The following PIP4K2B variants were observed in gnomAD, a reference collection of about 807,000 sequenced individuals.
The protein encoded by PIP4K2B is phosphatidylinositol-5-phosphate 4-kinase type 2 beta.
A neutral mutation model predicts 42.0 loss-of-function variants in PIP4K2B; 3 were observed. The ratio of observed to expected loss-of-function variants is 0.07; its 90% CI spans 0.03 to 0.18. The LOEUF is 0.18. Among genes scored for constraint, PIP4K2B ranks in the 10% least tolerant of loss-of-function variants. The pLI is 1.00. For missense variants in PIP4K2B, 332 were observed against 562.3 expected (o/e 0.59, Z 4.14); for synonymous variants, 204 against 210.1 (o/e 0.97, Z 0.25).
At chr17:38,781,238 T>C (rs976330132) in intron 3 of PIP4K2B, among the ~76,000 whole-genome samples, 3 of 152,042 alleles carry the variant, frequency 2.0e-5, no homozygotes, top group Non-Finnish European at 4.4e-5. Context: ...TATGCAAGGC[T>C]GGGAGGCAGT....
intron 1 of PIP4K2B, among the ~76,000 whole-genome samples, chr17:38,790,875 C>CTAT (rs560122899): frequency 6.6e-6 from 1 of 152,034 alleles, no homozygotes; most frequent in African/African-American, 2.4e-5. Flanking sequence ...GGGATTAGCC[C>CTAT]TATTATTATT....
At chr17:38,786,788 C>T in intron 2 of PIP4K2B, 35 bp downstream of exon 2, 2 of 1,357,458 alleles carry the variant, frequency 1.5e-6, no homozygotes, top group Non-Finnish European at 2.1e-6. Context: ...AAAGGACTGC[C>T]CACAAAACCT....
In PIP4K2B at chr17:38,778,082, A is replaced by G. The variant is rs570872658; in HGVS notation, c.693+252T>C. On this transcript the variant is annotated intron_variant, in intron 6 of 9. Coordinates refer to ENST00000619039, the MANE Select transcript of PIP4K2B (RefSeq NM_003559.5). ...GCCACTGACTGACTCAGGCTGGACT[A>G]TGAGATAGAAATGTCTGCCATCCCA... is the stretch of plus-strand genomic sequence containing the variant. Among the ~76,000 whole-genome samples, 117 of 152,314 alleles carry G rather than the reference A, an allele frequency of 7.7e-4. 2 individuals carry two copies. In the Middle Eastern group the frequency reaches 0.014, roughly 18 times the overall value.
At chr17:38,794,860 G>T (rs1024131633) in intron 1 of PIP4K2B, among the ~76,000 whole-genome samples, 1 of 151,800 alleles carries the variant, frequency 6.6e-6, no homozygotes, top group Non-Finnish European at 1.5e-5. Flanking sequence ...ACCACTTTGG[G>T]AGGCCGAGGC....
intron 1 of PIP4K2B, among the ~76,000 whole-genome samples, chr17:38,791,274 T>G (rs1401825652): frequency 1.3e-5 from 2 of 152,102 alleles, no homozygotes; most frequent in Non-Finnish European, 2.9e-5. Context: ...CACTTGACAT[T>G]AGGAGAATCT....
chr17:38,777,504 C>T (rs1300215972), intron 7 of PIP4K2B, among the ~76,000 whole-genome samples, 183 bp downstream of exon 7: 1 of 152,208 alleles, frequency 6.6e-6, no homozygotes, highest in African/African-American at 2.4e-5. Context: ...CAACTATGCT[C>T]CGTCAGGTGG....
At chr17:38,794,353 TA>T in intron 1 of PIP4K2B, among the ~76,000 whole-genome samples, 1 of 151,872 alleles carries the variant, frequency 6.6e-6, no homozygotes, top group Non-Finnish European at 1.5e-5. Flanking sequence ...TTGGTAGGCA[TA>T]AAGTTTCATT....
At chr17:38,771,881 T>C (rs982854434) in intron 7 of PIP4K2B, among the ~76,000 whole-genome samples, 1 of 152,008 alleles carries the variant, frequency 6.6e-6, no homozygotes, top group Non-Finnish European at 1.5e-5. Context: ...AATTTAAAAA[T>C]TGGCTGGGCG....
At chr17:38,770,402 A>G (rs1908947686) in intron 9 of PIP4K2B, 34 bp downstream of exon 9, 1 of 1,363,778 alleles carries the variant, frequency 7.3e-7, no homozygotes, top group Non-Finnish European at 1.0e-6. Context: ...GCACCGACCC[A>G]GCTGGGCCCT....
chr17:38,771,885 C>CGT (rs1567652300), intron 7 of PIP4K2B, among the ~76,000 whole-genome samples: 1 of 152,132 alleles, frequency 6.6e-6, no homozygotes, highest in Non-Finnish European at 1.5e-5. Context: ...TAAAAATTGG[C>CGT]TGGGCGTGGC....
intron 1 of PIP4K2B, among the ~76,000 whole-genome samples, chr17:38,793,604 C>T (rs1475801957): frequency 6.6e-6 from 1 of 152,142 alleles, no homozygotes; most frequent in Non-Finnish European, 1.5e-5. Flanking sequence ...AGGTCAGTGG[C>T]TCACGCCTGT....
chr17:38,765,885 G>A lies in PIP4K2B; in HGVS notation c.*3806C>T, dbSNP rs1908673911. On this transcript the variant is annotated 3_prime_UTR_variant, in exon 10 of 10. Transcript: ENST00000619039. The stretch of plus-strand genomic sequence containing the variant: ...GAAGTCACACACTTGGTGGGGTGGT[G>A]GTTTGTCCTGCTTCCCCAAAAGGTG... The A allele has an allele frequency of 6.6e-6, 1 of 152,632 alleles. No homozygotes were observed. The highest frequency in any genetic ancestry group is 2.4e-5 in the African/African-American group (1 of 41,420). 9.5% of individuals were successfully genotyped at this position (152,632 alleles called of 1,614,324 possible). A position where few individuals can be genotyped will look rare whatever the true frequency, so the allele number is the denominator to read the frequency against.
chr17:38,798,925 G>A (rs537973950), intron 1 of PIP4K2B, among the ~76,000 whole-genome samples: 19 of 152,214 alleles, frequency 1.2e-4, no homozygotes, highest in Admixed American at 6.5e-4. Context: ...ACAGGATGAG[G>A]GGGGAGGAGG....
intron 4 of PIP4K2B, among the ~76,000 whole-genome samples, chr17:38,780,119 C>G (rs1909612197): frequency 6.6e-6 from 1 of 152,086 alleles, no homozygotes. Flanking sequence ...TCCTCATGGA[C>G]AGGTTCCAGA....
intron 7 of PIP4K2B, among the ~76,000 whole-genome samples, chr17:38,773,876 A>G (rs73982902): frequency 0.039 from 5,914 of 152,310 alleles, 375 homozygotes; most frequent in African/African-American, 0.14. Flanking sequence ...ACATTTATAA[A>G]GCAACATGCA....
chr17:38,778,397 G>A (rs370627100), intron 5 of PIP4K2B, 25 bp from the exon 6 acceptor site: 4 of 1,612,868 alleles, frequency 2.5e-6, no homozygotes, highest in Non-Finnish European at 3.4e-6. Flanking sequence ...GCCATCAGGG[G>A]AAGTCAAGCT....
At position 38,777,658 on chromosome 17, in the gene PIP4K2B, T is replaced by A. The variant is rs567393196; in HGVS notation, c.807+29A>T. On this transcript the variant is annotated intron_variant, in intron 7 of 9. Coordinates refer to ENST00000619039, the MANE Select transcript of PIP4K2B (RefSeq NM_003559.5). ...CCTACTCTAGGTACAGAAGGAGCCT[T>A]GCAGGTGAAAATGAAGGTTAGTAAG... 8.3e-5 allele frequency: 117 copies of A among 1,411,816 alleles called. 1 individual carries two copies. In the South Asian group the frequency reaches 1.3e-3, roughly 16 times the overall value. The allele number at this position is 1,411,816 out of a possible 1,614,324, so 87.5% of individuals were successfully genotyped here.
At chr17:38,784,653 C>T (rs1020248881) in intron 2 of PIP4K2B, among the ~76,000 whole-genome samples, 4 of 152,058 alleles carry the variant, frequency 2.6e-5, no homozygotes, top group Non-Finnish European at 5.9e-5. Flanking sequence ...GGAGTTGAGT[C>T]GAAAAACAAA....
At chr17:38,783,195 C>CAAA (rs35913511) in intron 3 of PIP4K2B, among the ~76,000 whole-genome samples, 578 of 55,514 alleles carry the variant, frequency 0.01, 38 homozygotes, top group Middle Eastern at 0.056. Context: ...AACTCCATCT[C>CAAA]AAAAAAAAAA....
Sources: allele counts gnomAD v4.1 joint callset (sites outside exome capture counted in the v4.1 genomes callset), GRCh38; gene constraint gnomAD v4.1.1; transcripts MANE v1.5; gene names NCBI Gene and HGNC (gene_info 2026-07-23, HGNC 2026-07-21).